The following SNRNP40 variants were observed in gnomAD, a reference collection of about 807,000 sequenced individuals.
SNRNP40 encodes the protein small nuclear ribonucleoprotein U5 subunit 40.
SNRNP40 carries 21 observed loss-of-function variants against 45.8 expected under a neutral mutation model. The observed-to-expected ratio is 0.46, with a 90% CI of 0.32 to 0.66. SNRNP40 has a LOEUF of 0.66. Ranked by LOEUF, SNRNP40 falls within the 30% of genes least tolerant of loss-of-function variation. The probability of loss-of-function intolerance (pLI) is 0.03; values close to 1 mark genes in which losing one functional copy is unlikely to be tolerated. For missense variants in SNRNP40, 344 were observed against 439.1 expected (o/e 0.78, Z 1.94); for synonymous variants, 142 against 163.8 (o/e 0.87, Z 1.01).
chr1:31,261,404 A>C (rs1645858168), intron 9 of SNRNP40, 125 bp downstream of exon 9: 1 of 653,650 alleles, frequency 1.5e-6, no homozygotes, highest in Non-Finnish European at 2.7e-6. Context: ...ACAACAACAA[A>C]AACACCCAAA....
At chr1:31,271,632 G>T in intron 5 of SNRNP40, 133 bp from the exon 6 acceptor site, 1 of 853,498 alleles carries the variant, frequency 1.2e-6, no homozygotes, top group African/African-American at 1.8e-5. Context: ...TTCTGTCAAA[G>T]AGAAAAACAC....
chr1:31,277,238 T>C (rs1356215562), intron 5 of SNRNP40, among the ~76,000 whole-genome samples: 3 of 152,144 alleles, frequency 2.0e-5, no homozygotes, highest in African/African-American at 7.2e-5. Context: ...TATTATAATG[T>C]TTACATACAA....
At chr1:31,263,542 C>G (rs1017465773) in intron 8 of SNRNP40, 2 of 426,194 alleles carry the variant, frequency 4.7e-6, no homozygotes, top group Admixed American at 5.5e-5. Context: ...ATCCTCTGAG[C>G]CAATGATGAC....
intron 8 of SNRNP40, 65 bp downstream of exon 8, chr1:31,267,806 G>T: frequency 1.6e-6 from 2 of 1,253,960 alleles, no homozygotes; most frequent in Non-Finnish European, 1.2e-6. Flanking sequence ...TGCTGGGATT[G>T]CAGGCACGAG....
At chr1:31,274,379 G>GGCGCGC (rs1429826229) in intron 5 of SNRNP40, among the ~76,000 whole-genome samples, 1 of 151,948 alleles carries the variant, frequency 6.6e-6, no homozygotes, top group East Asian at 1.9e-4. Flanking sequence ...TGGGACTACA[G>GGCGCGC]GCGCGCACCA....
At chr1:31,276,683 C>T (rs188044039) in intron 5 of SNRNP40, among the ~76,000 whole-genome samples, 79 of 151,790 alleles carry the variant, frequency 5.2e-4, no homozygotes, top group Admixed American at 1.2e-3. Flanking sequence ...GCCAGGAGTT[C>T]GAGACCAGCC....
intron 5 of SNRNP40, among the ~76,000 whole-genome samples, chr1:31,276,603 T>C (rs372219209): frequency 2.0e-5 from 3 of 152,138 alleles, no homozygotes; most frequent in African/African-American, 7.2e-5. Context: ...AAAGAGATCA[T>C]GGCTGGGCAC....
intron 4 of SNRNP40, chr1:31,282,302 T>C (rs1278332069): frequency 6.6e-6 from 1 of 152,192 alleles, no homozygotes; most frequent in East Asian, 1.9e-4. Context: ...AACTTGGAAC[T>C]TCCCTTGAAA....
chr1:31,296,507 G>C, intron 1 of SNRNP40, 104 bp downstream of exon 1: 2 of 1,407,886 alleles, frequency 1.4e-6, no homozygotes, highest in South Asian at 1.4e-5. Context: ...AGAAACTCTC[G>C]TTCTGCCCCC....
Position 31,267,942 on chromosome 1 carries a change from A to G in SNRNP40, c.859-10T>C, listed in dbSNP as rs749812200. ...AACATCTCAGAAGGTTCTATGATAA[A>G]CAAGAATCCACTGAATAGTAATATA... On this transcript the variant is annotated splice_polypyrimidine_tract_variant and intron_variant, in intron 7 of 9. Coordinates refer to ENST00000263694, the MANE Select transcript of SNRNP40 (RefSeq NM_004814.3). 1.4e-5 allele frequency: 22 copies of G among 1,600,758 alleles called. 1 individual carries two copies. In the Middle Eastern group the frequency reaches 4.9e-4, roughly 36 times the overall value.
intron 1 of SNRNP40, 95 bp downstream of exon 1, chr1:31,296,516 C>T (rs3737754): frequency 1.4e-6 from 2 of 1,447,068 alleles, no homozygotes; most frequent in Non-Finnish European, 9.3e-7. Context: ...CGTTCTGCCC[C>T]CGCAATGCGG....
In SNRNP40 at chr1:31,259,932, A is replaced by G; in HGVS notation, c.*140T>C. 1.4e-6 allele frequency: 1 copy of G among 733,800 alleles called. No individual in the cohort carries two copies. Among genetic ancestry groups the G allele is most frequent in the Non-Finnish European group, 2.5e-6 (1 of 407,106 alleles). The allele number at this position is 733,800 out of a possible 1,614,324, so 45.5% of individuals were successfully genotyped here. On this transcript the variant is annotated 3_prime_UTR_variant, in exon 10 of 10. Transcript: ENST00000263694. ...AAATGGGACAGAAGTGGTTTTTGGA[A>G]TATGGCCACCGCCTCCTGTTTCTTG...
chr1:31,286,435 T>C lies in SNRNP40; in HGVS notation c.531+2819A>G, dbSNP rs539920486. Among the ~76,000 whole-genome samples, 20 of 152,302 alleles carry C rather than the reference T, an allele frequency of 1.3e-4. No individual in the cohort carries two copies. In the South Asian group the frequency reaches 1.9e-3, roughly 14 times the overall value. Reference sequence around the variant, plus strand: ...TGATTCCCATTCTTGGTTGAAGCCATGTGTGACTCTTCCTTAACCAACTTG... The same window carrying C: ...TGATTCCCATTCTTGGTTGAAGCCACGTGTGACTCTTCCTTAACCAACTTG... On this transcript the variant is annotated intron_variant, in intron 4 of 9. Transcript: ENST00000263694.
At chr1:31,265,527 A>AG (rs1444795362) in intron 8 of SNRNP40, among the ~76,000 whole-genome samples, 3 of 152,226 alleles carry the variant, frequency 2.0e-5, no homozygotes, top group African/African-American at 7.2e-5. Flanking sequence ...AGAAAAAAAA[A>AG]GTATGTAAAT....
At chr1:31,261,822 G>T in intron 8 of SNRNP40, 190 bp from the exon 9 acceptor site, 2 of 447,456 alleles carry the variant, frequency 4.5e-6, no homozygotes, top group Non-Finnish European at 7.9e-6. Context: ...GAGCAATGGG[G>T]TGGAGAAATA....
intron 2 of SNRNP40, among the ~76,000 whole-genome samples, chr1:31,292,588 A>G (rs1466936902): frequency 6.6e-6 from 1 of 152,206 alleles, no homozygotes; most frequent in Non-Finnish European, 1.5e-5. Flanking sequence ...AAAAGAGCCA[A>G]ATAACTCATT....
At chr1:31,278,192 CTTTTA>C (rs1262821695) in intron 5 of SNRNP40, among the ~76,000 whole-genome samples, 1 of 152,104 alleles carries the variant, frequency 6.6e-6, no homozygotes, top group Non-Finnish European at 1.5e-5. Context: ...AGGCTAGCTT[CTTTTA>C]TTTAAGCTGT....
chr1:31,293,214 C>T lies in SNRNP40; in HGVS notation c.271+5G>A, dbSNP rs1279003870. The stretch of plus-strand genomic sequence containing the variant: ...ATTATTCCAGATTCAAAAACTATGC[C>T]TCACATATCAGTCGGTCAAATCCTG... On this transcript the variant is annotated splice_donor_5th_base_variant and intron_variant, in intron 2 of 9. Transcript: ENST00000263694. 1 of 1,613,310 alleles carries T rather than the reference C, an allele frequency of 6.2e-7. No individual in the cohort carries two copies. Among genetic ancestry groups the T allele is most frequent in the Non-Finnish European group, 8.5e-7 (1 of 1,179,768 alleles).
intron 4 of SNRNP40, among the ~76,000 whole-genome samples, chr1:31,283,186 C>G (rs1303388206): frequency 6.6e-6 from 1 of 152,182 alleles, no homozygotes; most frequent in African/African-American, 2.4e-5. Flanking sequence ...AATTTTTGTT[C>G]TTGTTGTTGT....
Sources: gnomAD v4.1 joint callset for allele counts (sites outside exome capture counted in the v4.1 genomes callset) on GRCh38, gnomAD v4.1.1 for gene constraint, MANE v1.5 for transcripts, NCBI Gene and HGNC (gene_info 2026-07-23, HGNC 2026-07-21) for gene names.